The following ACER1 variants were observed in gnomAD, a reference collection of about 807,000 sequenced individuals.
The protein encoded by ACER1 is CTB-180A7.3.
Under a neutral mutation model 24.9 loss-of-function variants are expected in ACER1, and 28 were observed. The ratio of observed to expected loss-of-function variants is 1.13; its 90% CI spans 0.83 to 1.54. ACER1 has a LOEUF of 1.54. Among genes scored for constraint, ACER1 ranks in the 40% most tolerant of loss-of-function variants. The pLI is 0.00. For synonymous variants in ACER1, 132 were observed against 131.4 expected (o/e 1.00, Z -0.03); for missense variants, 352 against 349.3 (o/e 1.01, Z -0.06).
intron 1 of ACER1, among the ~76,000 whole-genome samples, chr19:6,331,451 C>A (rs1287760174): frequency 7.3e-6 from 1 of 136,492 alleles, no homozygotes; most frequent in Non-Finnish European, 1.5e-5. Context: ...ACCCAGCCAG[C>A]AAGCACTCTT....
chr19:6,347,836 C>T, the ACER1 span, among the ~76,000 whole-genome samples: 1 of 151,836 alleles, frequency 6.6e-6, no homozygotes, highest in Non-Finnish European at 1.5e-5. Flanking sequence ...ATCTAAACAA[C>T]AACAACAACA....
chr19:6,342,573 G>C, the ACER1 span, among the ~76,000 whole-genome samples: 5 of 151,426 alleles, frequency 3.3e-5, no homozygotes. Flanking sequence ...CAAAAAATTA[G>C]CCAGGCGTGG....
At chr19:6,356,549 A>G in the ACER1 span, among the ~76,000 whole-genome samples, 29 of 152,188 alleles carry the variant, frequency 1.9e-4, no homozygotes, top group Middle Eastern at 6.8e-3. Context: ...ACAGATTACA[A>G]CCAACACCGT....
At chr19:6,323,927 C>T (rs929984093) in intron 1 of ACER1, among the ~76,000 whole-genome samples, 3 of 152,166 alleles carry the variant, frequency 2.0e-5, no homozygotes, top group African/African-American at 7.2e-5. Context: ...TGGAATCCCA[C>T]TGCAGAAGCC....
chr19:6,310,876 T>TAA (rs5826928), intron 3 of ACER1, among the ~76,000 whole-genome samples: 3 of 122,112 alleles, frequency 2.5e-5, no homozygotes, highest in Non-Finnish European at 3.5e-5. Context: ...AGACTTCATC[T>TAA]AAAAAAAAAA....
the ACER1 span, among the ~76,000 whole-genome samples, chr19:6,341,819 G>C: frequency 8.6e-5 from 13 of 151,996 alleles, no homozygotes; most frequent in South Asian, 2.7e-3. Flanking sequence ...TAGTAGAGAC[G>C]CGGGTTTCAC....
In ACER1 at chr19:6,309,989, C is replaced by T. The variant is rs988525621; in HGVS notation, c.351-155G>A. 5.9e-5 allele frequency among the ~76,000 whole-genome samples: 9 copies of T among 151,862 alleles called. No individual in the cohort carries two copies. In the East Asian group the frequency reaches 7.8e-4, roughly 13 times the overall value. ...AAAAGGGTCCTAGCCAGGCAGGGCA[C>T]GGTGGCTCATGTCTGTAATCCCAGC... On this transcript the variant is annotated intron_variant, in intron 3 of 5. Transcript: ENST00000301452.
upstream of ACER1, among the ~76,000 whole-genome samples, chr19:6,335,530 A>G (rs951727531): frequency 6.6e-6 from 1 of 151,736 alleles, no homozygotes; most frequent in African/African-American, 2.4e-5. Context: ...GCCTTCATTT[A>G]ATGTTCTTAA....
the ACER1 span, among the ~76,000 whole-genome samples, chr19:6,359,237 A>G: frequency 6.6e-6 from 1 of 152,066 alleles, no homozygotes; most frequent in Non-Finnish European, 1.5e-5. Flanking sequence ...GACTCAAAAC[A>G]AAAAAAGAGT....
Position 6,312,469 on chromosome 19 carries a change from G to A in ACER1, c.124C>T (p.Pro42Ser), listed in dbSNP as rs763462645. The change falls in exon 2 of 6, where the codon CCA becomes TCA. Residue 42 changes from proline to serine, a missense_variant. By Grantham distance (74) the Pro-to-Ser change is moderately conservative. Coordinates refer to ENST00000301452, the MANE Select transcript of ACER1 (RefSeq NM_133492.3). ...FSNIPFFIFG[P>S]LMMLLMHPYA... is the part of the protein sequence containing the mutation. ...GGGTGCATCAGGAGCATCATCAGTG[G>A]CCCGAAGATGAAGAAGGGGATATTG... 25 of 1,613,880 alleles carry A rather than the reference G, an allele frequency of 1.5e-5. No homozygotes were observed. The highest frequency in any genetic ancestry group is 1.9e-5 in the Non-Finnish European group (23 of 1,179,970).
chr19:6,332,666 G>T (rs2091693943), intron 1 of ACER1, among the ~76,000 whole-genome samples: 1 of 151,550 alleles, frequency 6.6e-6, no homozygotes, highest in African/African-American at 2.4e-5. Context: ...TTCTCAGGAG[G>T]TGGGACTTTT....
chr19:6,333,629 G>A, upstream of ACER1: 4 of 1,301,422 alleles, frequency 3.1e-6, no homozygotes, highest in Non-Finnish European at 4.3e-6. Context: ...CCCTGATGAG[G>A]CGGGGAGAGG....
chr19:6,306,472 G>A lies in ACER1; in HGVS notation c.*242C>T, dbSNP rs1340310508. 4.5e-6 allele frequency: 2 copies of A among 441,498 alleles called. No individual in the cohort carries two copies. The highest frequency in any genetic ancestry group is 4.1e-5 in the African/African-American group (2 of 48,900). The allele number at this position is 441,498 out of a possible 1,614,324, so 27.3% of individuals were successfully genotyped here. On this transcript the variant is annotated 3_prime_UTR_variant, in exon 6 of 6. Coordinates refer to ENST00000301452, the MANE Select transcript of ACER1 (RefSeq NM_133492.3). ...CACAGAGGAGGAAATGAAAGAGGAT[G>A]GGGGGGGTCATGGAGGGGAGATGCA... is the stretch of plus-strand genomic sequence containing the variant.
chr19:6,360,200 G>GGAA, the ACER1 span: 1 of 152,060 alleles, frequency 6.6e-6, no homozygotes, highest in Admixed American at 6.6e-5. Context: ...CTGATCTCCA[G>GGAA]GAAGAATCCA....
chr19:6,348,381 C>T, the ACER1 span, among the ~76,000 whole-genome samples: 2 of 149,368 alleles, frequency 1.3e-5, no homozygotes, highest in African/African-American at 5.0e-5. Context: ...AGGAGAATTG[C>T]TTGAACCCGG....
intron 1 of ACER1, among the ~76,000 whole-genome samples, chr19:6,333,173 C>A (rs1406038962): frequency 6.6e-6 from 1 of 152,126 alleles, no homozygotes; most frequent in African/African-American, 2.4e-5. Flanking sequence ...AAGGCACCAT[C>A]GCTCCCGGTT....
At chr19:6,351,823 G>A in the ACER1 span, among the ~76,000 whole-genome samples, 3 of 152,092 alleles carry the variant, frequency 2.0e-5, no homozygotes, top group Non-Finnish European at 2.9e-5. Flanking sequence ...TTGGGAGGCC[G>A]AGGCGGGTGG....
chr19:6,349,053 C>CAAG, the ACER1 span, among the ~76,000 whole-genome samples: 1 of 149,328 alleles, frequency 6.7e-6, no homozygotes, highest in African/African-American at 2.5e-5. Flanking sequence ...GAGACTCCAT[C>CAAG]AAGAAGAAGA....
chr19:6,322,956 C>T (rs2091638338), intron 1 of ACER1, among the ~76,000 whole-genome samples: 1 of 151,796 alleles, frequency 6.6e-6, no homozygotes, highest in African/African-American at 2.4e-5. Flanking sequence ...ACTGAAAATA[C>T]AAAAAATTAG....
Sources: allele counts gnomAD v4.1 joint callset (sites outside exome capture counted in the v4.1 genomes callset), GRCh38; gene constraint gnomAD v4.1.1; transcripts MANE v1.5; gene names NCBI Gene and HGNC (gene_info 2026-07-23, HGNC 2026-07-21).